The following CORIN variants were observed in gnomAD, a reference collection of about 807,000 sequenced individuals.
The protein encoded by CORIN is atrial natriuretic peptide-converting enzyme.
CORIN carries 117 observed loss-of-function variants against 125.3 expected under a neutral mutation model. The ratio of observed to expected loss-of-function variants is 0.93; its 90% CI spans 0.80 to 1.09. The LOEUF is 1.09. Among genes scored for constraint, CORIN ranks in the 50% least tolerant of loss-of-function variants. The probability of loss-of-function intolerance (pLI) is 0.00; values close to 1 mark genes in which losing one functional copy is unlikely to be tolerated. For missense variants in CORIN, 1,253 were observed against 1,306.7 expected (o/e 0.96, Z 0.63); for synonymous variants, 450 against 466.4 (o/e 0.96, Z 0.45).
At chr4:47,726,976 G>C (rs2109806918) in intron 5 of CORIN, among the ~76,000 whole-genome samples, 1 of 151,900 alleles carries the variant, frequency 6.6e-6, no homozygotes, top group African/African-American at 2.4e-5. Flanking sequence ...GCTAAACAAA[G>C]TGCCTCAAAG....
Position 47,744,607 on chromosome 4 carries a change from T to C in CORIN, c.618-24A>G, listed in dbSNP as rs750183768. ...GACTAAAAAAAAAAAAAGAGAAAGG[T>C]GAAAATTAGTGTCTTTACAGAATAG... On this transcript the variant is annotated intron_variant, in intron 4 of 21. Coordinates refer to ENST00000273857, the MANE Select transcript of CORIN (RefSeq NM_006587.4). 3 of 1,540,994 alleles carry C rather than the reference T, an allele frequency of 1.9e-6. No individual in the cohort carries two copies. In the South Asian group the frequency reaches 3.6e-5, roughly 19 times the overall value.
chr4:47,713,817 T>TTGG, intron 5 of CORIN, among the ~76,000 whole-genome samples: 1 of 152,074 alleles, frequency 6.6e-6, no homozygotes, highest in African/African-American at 2.4e-5. Flanking sequence ...GTGAACAAGC[T>TTGG]CCAAAAGAGG....
chr4:47,685,315 G>A (rs1483195205), intron 6 of CORIN, among the ~76,000 whole-genome samples: 1 of 152,182 alleles, frequency 6.6e-6, no homozygotes, highest in Non-Finnish European at 1.5e-5. Context: ...CTCATGCAGT[G>A]AAATACTACT....
At chr4:47,612,971 C>G (rs115343930) in intron 19 of CORIN, among the ~76,000 whole-genome samples, 1,673 of 152,256 alleles carry the variant, frequency 0.011, 30 homozygotes, top group African/African-American at 0.038. Context: ...ATATTCTAGA[C>G]CTTCAAGAAT....
At chr4:47,710,596 A>G (rs1214234164) in intron 5 of CORIN, among the ~76,000 whole-genome samples, 1 of 152,144 alleles carries the variant, frequency 6.6e-6, no homozygotes, top group Admixed American at 6.5e-5. Context: ...CTGCCCCCCT[A>G]TAGAGCTCCT....
chr4:47,599,598 G>C (rs547710294), intron 21 of CORIN, among the ~76,000 whole-genome samples: 71 of 152,070 alleles, frequency 4.7e-4, no homozygotes, highest in Non-Finnish European at 7.1e-4. Flanking sequence ...AAAATAAAAA[G>C]GCACCTCTAC....
intron 1 of CORIN, among the ~76,000 whole-genome samples, chr4:47,824,310 GA>G (rs199791671): frequency 0.054 from 7,511 of 138,940 alleles, 301 homozygotes; most frequent in African/African-American, 0.12. Flanking sequence ...AACAACAACA[GA>G]AAAAAAAAAA....
intron 3 of CORIN, among the ~76,000 whole-genome samples, chr4:47,776,295 G>C (rs967801488): frequency 4.6e-5 from 7 of 151,360 alleles, no homozygotes; most frequent in African/African-American, 1.7e-4. Context: ...GATTTTGGGG[G>C]GTTTTTTTGA....
At chr4:47,737,623 T>C (rs1200135185) in intron 5 of CORIN, among the ~76,000 whole-genome samples, 2 of 152,208 alleles carry the variant, frequency 1.3e-5, no homozygotes, top group Admixed American at 1.3e-4. Context: ...TTCTGCCCAA[T>C]TCTGCTTTCT....
chr4:47,774,255 G>A (rs1221017793), intron 3 of CORIN, among the ~76,000 whole-genome samples: 2 of 152,226 alleles, frequency 1.3e-5, no homozygotes, highest in African/African-American at 4.8e-5. Flanking sequence ...GGCATGGCCA[G>A]GGCTGCATGC....
intron 5 of CORIN, chr4:47,706,896 G>T (rs1726594889): frequency 3.8e-6 from 6 of 1,599,368 alleles, no homozygotes; most frequent in Non-Finnish European, 5.1e-6. Flanking sequence ...CGTGGCCTTG[G>T]AAAGGGCCAT....
At chr4:47,822,349 C>G (rs1732555030) in intron 1 of CORIN, among the ~76,000 whole-genome samples, 1 of 152,158 alleles carries the variant, frequency 6.6e-6, no homozygotes, top group South Asian at 2.1e-4. Flanking sequence ...CAAGGACATT[C>G]TCCTGCCTAA....
rs766977241 is a variant in CORIN at position 47,786,773 on chromosome 4, A to G, written c.361T>C (p.Trp121Arg). ...TAHPDQHVPA[W>R]TTDASLPGDQ... ...CCTGGGAGAGAAGCATCCGTAGTCC[A>G]GGCTGGAACGTGTTGGTCGGGATGT... The change falls in exon 3 of 22, where the codon TGG becomes CGG. Residue 121 changes from tryptophan to arginine, a missense_variant. Coordinates refer to ENST00000273857, the MANE Select transcript of CORIN (RefSeq NM_006587.4). 7 of 1,614,092 alleles carry G rather than the reference A, an allele frequency of 4.3e-6. No individual in the cohort carries two copies. The African/African-American group carries it at 9.3e-5, about 22-fold the overall frequency.
At chr4:47,753,530 G>A (rs1030580646) in intron 4 of CORIN, among the ~76,000 whole-genome samples, 1 of 152,018 alleles carries the variant, frequency 6.6e-6, no homozygotes, top group Non-Finnish European at 1.5e-5. Context: ...CCCCAGAGTG[G>A]CCGTTTATAG....
chr4:47,628,335 TTG>T (rs1327555026), intron 16 of CORIN, among the ~76,000 whole-genome samples: 2 of 152,112 alleles, frequency 1.3e-5, no homozygotes, highest in African/African-American at 4.8e-5. Context: ...CAAATAAAAA[TTG>T]TACATATTTA....
intron 13 of CORIN, among the ~76,000 whole-genome samples, chr4:47,649,510 T>A (rs1310355996): frequency 6.6e-6 from 1 of 152,226 alleles, no homozygotes; most frequent in African/African-American, 2.4e-5. Flanking sequence ...GCAGGTGAGT[T>A]CCCAGTTATT....
chr4:47,618,311 G>A (rs1186801437), intron 19 of CORIN, among the ~76,000 whole-genome samples: 1 of 141,134 alleles, frequency 7.1e-6, no homozygotes, highest in East Asian at 2.2e-4. Flanking sequence ...TCCAGCTTGG[G>A]CAACAGGAGT....
intron 1 of CORIN, among the ~76,000 whole-genome samples, chr4:47,822,043 C>T (rs751256446): frequency 6.7e-6 from 1 of 149,556 alleles, no homozygotes; most frequent in African/African-American, 2.6e-5. Flanking sequence ...TAACAGTATA[C>T]TAAATTGTTC....
At chr4:47,824,310 GAAA>G (rs199791671) in intron 1 of CORIN, among the ~76,000 whole-genome samples, 52,042 of 138,994 alleles carry the variant, frequency 0.37, 9,795 homozygotes, top group East Asian at 0.58. Context: ...AACAACAACA[GAAA>G]AAAAAAAAAA....
Sources: allele counts gnomAD v4.1 joint callset (sites outside exome capture counted in the v4.1 genomes callset), GRCh38; gene constraint gnomAD v4.1.1; transcripts MANE v1.5; gene names NCBI Gene and HGNC (gene_info 2026-07-23, HGNC 2026-07-21).